TMEM132B: variants seen among roughly 807,000 people sequenced by gnomAD.
TMEM132B encodes transmembrane protein 132B.
A neutral mutation model predicts 90.8 loss-of-function variants in TMEM132B; 18 were observed. The ratio of observed to expected loss-of-function variants is 0.20; its 90% CI spans 0.14 to 0.29. TMEM132B has a LOEUF of 0.29. Among genes scored for constraint, TMEM132B ranks in the 10% least tolerant of loss-of-function variants. The probability of loss-of-function intolerance (pLI) is 1.00; values close to 1 mark genes in which losing one functional copy is unlikely to be tolerated. For missense variants in TMEM132B, 1,096 were observed against 1,326.8 expected (o/e 0.83, Z 2.70); for synonymous variants, 504 against 523.3 (o/e 0.96, Z 0.50).
intron 1 of TMEM132B, among the ~76,000 whole-genome samples, chr12:125,326,907 G>A (rs775752202): frequency 4.6e-5 from 7 of 152,072 alleles, no homozygotes; most frequent in Non-Finnish European, 1.0e-4. Context: ...ACATGCAGGG[G>A]CCACTTCTCC....
In TMEM132B at chr12:125,568,906, C is replaced by A. The variant is rs199873059; in HGVS notation, c.1294-14945C>A. Among the ~76,000 whole-genome samples the A allele has an allele frequency of 2.6e-5, 4 of 152,308 alleles. No homozygotes were observed. The East Asian group carries it at 7.7e-4, about 29-fold the overall frequency. Reference sequence around the variant, plus strand: ...GAGTAAAAACAATCACACTTTATCTCTGACCTCGATGACCACAGCAATTGT... The same window carrying A: ...GAGTAAAAACAATCACACTTTATCTATGACCTCGATGACCACAGCAATTGT... On this transcript the variant is annotated intron_variant, in intron 4 of 8. Transcript: ENST00000682704.
chr12:125,512,813 T>C (rs141301476), intron 3 of TMEM132B, among the ~76,000 whole-genome samples: 336 of 152,350 alleles, frequency 2.2e-3, no homozygotes, highest in Admixed American at 7.1e-3. Flanking sequence ...GGTTTGTTTA[T>C]GCTCCATTCT....
chr12:125,329,243 C>T (rs555034499), intron 1 of TMEM132B, among the ~76,000 whole-genome samples: 17 of 152,280 alleles, frequency 1.1e-4, no homozygotes, highest in South Asian at 8.3e-4. Context: ...AATCTGCTGG[C>T]GCCTTGATCT....
Position 125,613,285 on chromosome 12 carries a change from G to T in TMEM132B, c.1437+29291G>T, listed in dbSNP as rs369762623. ...GGGTACATGAGATACTTTCATATGGGCATACATGTGTAGTAATCACATCAG... is the reference window on the plus strand; with the variant it reads ...GGGTACATGAGATACTTTCATATGGTCATACATGTGTAGTAATCACATCAG... On this transcript the variant is annotated intron_variant, in intron 5 of 8. Transcript: ENST00000682704. Among the ~76,000 whole-genome samples the T allele has an allele frequency of 2.1e-5, 3 of 143,610 alleles. No homozygotes were observed. In the East Asian group the frequency reaches 5.9e-4, roughly 28 times the overall value. 94.2% of individuals were successfully genotyped at this position (143,610 alleles called of 152,430 possible).
At chr12:125,453,117 A>T (rs1881202595) in intron 3 of TMEM132B, among the ~76,000 whole-genome samples, 2 of 151,300 alleles carry the variant, frequency 1.3e-5, no homozygotes, top group Admixed American at 6.6e-5. Context: ...ACACACACAT[A>T]ATCCAACACT....
intron 1 of TMEM132B, among the ~76,000 whole-genome samples, chr12:125,239,756 G>T (rs1478234335): frequency 6.6e-6 from 1 of 152,226 alleles, no homozygotes; most frequent in Non-Finnish European, 1.5e-5. Context: ...TGCCGTGGAG[G>T]TGCCCGGCTT....
At chr12:125,226,067 C>T (rs1280073701) in intron 1 of TMEM132B, among the ~76,000 whole-genome samples, 1 of 152,246 alleles carries the variant, frequency 6.6e-6, no homozygotes, top group Non-Finnish European at 1.5e-5. Context: ...AAAAAGAATA[C>T]CGATAGTGTC....
intron 1 of TMEM132B, among the ~76,000 whole-genome samples, chr12:125,262,621 A>G (rs1319027996): frequency 6.6e-6 from 1 of 152,162 alleles, no homozygotes; most frequent in Non-Finnish European, 1.5e-5. Context: ...ACCATTTATA[A>G]TCATTCTTGA....
intron 3 of TMEM132B, among the ~76,000 whole-genome samples, chr12:125,483,853 G>A (rs1353645962): frequency 1.3e-5 from 2 of 152,142 alleles, no homozygotes; most frequent in Admixed American, 1.3e-4. Flanking sequence ...AGAAAAATAT[G>A]ATTGCCTTGT....
chr12:125,649,942 C>T (rs187193075), intron 6 of TMEM132B, among the ~76,000 whole-genome samples: 94 of 152,212 alleles, frequency 6.2e-4, no homozygotes, highest in African/African-American at 2.1e-3. Context: ...AGGAGAGACA[C>T]ATTTCAGATG....
intron 1 of TMEM132B, among the ~76,000 whole-genome samples, chr12:125,307,911 T>C (rs1876031192): frequency 7.9e-6 from 1 of 126,486 alleles, no homozygotes; most frequent in South Asian, 2.5e-4. Flanking sequence ...ATATATTAAG[T>C]ATATATACTT....
chr12:125,332,583 CTTTTTTTTTTTTTTTTTTTT>C (rs201828438), intron 1 of TMEM132B, among the ~76,000 whole-genome samples: 3,368 of 52,580 alleles, frequency 0.064, 230 homozygotes, highest in African/African-American at 0.2. Context: ...AGAGAGTTGG[CTTTTTTTTTTTTTTTTTTTT>C]TTTTTTTTTT....
At chr12:125,426,185 T>C (rs577179536) in intron 3 of TMEM132B, among the ~76,000 whole-genome samples, 1 of 152,358 alleles carries the variant, frequency 6.6e-6, no homozygotes, top group South Asian at 2.1e-4. Flanking sequence ...AATTTGCAGC[T>C]CCCCAATGAT....
chr12:125,610,410 G>C (rs1279902068), intron 5 of TMEM132B, among the ~76,000 whole-genome samples: 1 of 152,110 alleles, frequency 6.6e-6, no homozygotes, highest in Non-Finnish European at 1.5e-5. Context: ...ATCAGAATGA[G>C]GAGTTTCTCT....
intron 3 of TMEM132B, among the ~76,000 whole-genome samples, chr12:125,421,434 C>T: frequency 6.6e-6 from 1 of 152,140 alleles, no homozygotes; most frequent in East Asian, 1.9e-4. Flanking sequence ...GGGGGAACTC[C>T]CCTCTATAAA....
intron 1 of TMEM132B, among the ~76,000 whole-genome samples, chr12:125,228,712 G>A (rs1426937191): frequency 6.6e-6 from 1 of 152,174 alleles, no homozygotes; most frequent in African/African-American, 2.4e-5. Context: ...TACCCACAGC[G>A]GCCGACCCCC....
chr12:125,484,857 G>C (rs1197998108), intron 3 of TMEM132B, among the ~76,000 whole-genome samples: 2 of 152,020 alleles, frequency 1.3e-5, no homozygotes, highest in Non-Finnish European at 2.9e-5. Flanking sequence ...CTTCTACCTT[G>C]GGTTCCCAAA....
rs868355029 is a variant in TMEM132B at position 125,654,106 on chromosome 12, C to T, written c.2648C>T (p.Ser883Leu). ...ACAAGCTTCCCCACTCAAGGGAAGT[C>T]ACCGGACCCCAATAATCCTAGTGAC... is the stretch of plus-strand genomic sequence containing the variant. ...AFTSFPTQGK[S>L]PDPNNPSDLT... The change falls in exon 9 of 9, where the codon TCA becomes TTA. Residue 883 changes from serine (S) to leucine (L), a missense_variant. Physicochemically the swap from Ser to Leu is moderately radical, Grantham distance 145. Coordinates refer to ENST00000682704, the MANE Select transcript of TMEM132B (RefSeq NM_001366854.1). This position sits in a 1 kb window ranked among gnomAD's most constrained non-coding sequence, Gnocchi z 5.8. The T allele has an allele frequency of 6.2e-7, 1 of 1,614,072 alleles. No individual in the cohort carries two copies. The highest frequency in any genetic ancestry group is 8.5e-7 in the Non-Finnish European group (1 of 1,180,038).
At chr12:125,574,845 C>G (rs1359596346) in intron 4 of TMEM132B, among the ~76,000 whole-genome samples, 1 of 151,358 alleles carries the variant, frequency 6.6e-6, no homozygotes, top group Non-Finnish European at 1.5e-5. Flanking sequence ...GTGGTATGAG[C>G]CTTTCTACTG....
Sources: allele counts gnomAD v4.1 joint callset (sites outside exome capture counted in the v4.1 genomes callset), GRCh38; gene constraint gnomAD v4.1.1; non-coding constraint Gnocchi (gnomAD v3.1); transcripts MANE v1.5; gene names NCBI Gene and HGNC (gene_info 2026-07-23, HGNC 2026-07-21).